Variants in EMC2 observed in about 807,000 individuals in gnomAD.
EMC2 encodes the protein TPR repeat protein 35.
A neutral mutation model predicts 51.6 loss-of-function variants in EMC2; 37 were observed. That is an observed-to-expected ratio of 0.72 (90% CI 0.55 to 0.94). The LOEUF (loss-of-function observed/expected upper bound fraction) is 0.94. Among genes scored for constraint, EMC2 ranks in the 40% least tolerant of loss-of-function variants. EMC2 has a pLI of 0.00. For synonymous variants in EMC2, 131 were observed against 112.4 expected (o/e 1.17, Z -1.04); for missense variants, 359 against 350.9 (o/e 1.02, Z -0.18).
chr8:108,459,893 A>T (rs13275440), intron 5 of EMC2, among the ~76,000 whole-genome samples: 104,037 of 152,096 alleles, frequency 0.68, 36,157 homozygotes, highest in African/African-American at 0.81. Context: ...TCTATAAGCT[A>T]ATGTAGATAC....
At chr8:108,463,803 C>T (rs1056742428) in intron 5 of EMC2, among the ~76,000 whole-genome samples, 1 of 151,932 alleles carries the variant, frequency 6.6e-6, no homozygotes, top group Non-Finnish European at 1.5e-5. Flanking sequence ...ACTGAGACTG[C>T]CTAGAAAAGT....
In EMC2 at chr8:108,450,382, G is replaced by C. The variant is rs142846038; in HGVS notation, c.155-46G>C. ...AATTCATTAATTTCCATTTGGGTTT[G>C]TTTTAATATTAAATTCAGTTTTTTT... On this transcript the variant is annotated intron_variant, in intron 2 of 10. Transcript: ENST00000220853. 9 of 1,105,020 alleles carry C rather than the reference G, an allele frequency of 8.1e-6. No homozygotes were observed. The East Asian group carries it at 2.1e-4, about 26-fold the overall frequency. 68.5% of individuals were successfully genotyped at this position (1,105,020 alleles called of 1,614,324 possible).
chr8:108,486,065 AG>A (rs1360329886), intron 10 of EMC2, among the ~76,000 whole-genome samples: 1 of 151,930 alleles, frequency 6.6e-6, no homozygotes, highest in Non-Finnish European at 1.5e-5. Flanking sequence ...TAAAATGTTT[AG>A]TGAAATAACT....
At chr8:108,445,907 T>C (rs943691563) in intron 1 of EMC2, among the ~76,000 whole-genome samples, 1 of 152,228 alleles carries the variant, frequency 6.6e-6, no homozygotes, top group African/African-American at 2.4e-5. Flanking sequence ...ATTTCTTTAG[T>C]ATCTTAGATA....
intron 5 of EMC2, among the ~76,000 whole-genome samples, chr8:108,467,410 G>A (rs1158175040): frequency 2.0e-5 from 3 of 151,298 alleles, no homozygotes; most frequent in African/African-American, 4.9e-5. Context: ...GTGCAGTGGC[G>A]CAGTCTCAGC....
chr8:108,470,021 A>C, intron 6 of EMC2, 41 bp from the exon 7 acceptor site: 3 of 1,578,176 alleles, frequency 1.9e-6, no homozygotes, highest in Non-Finnish European at 2.6e-6. Context: ...TCATTTACAG[A>C]ATATCTACAC....
intron 7 of EMC2, among the ~76,000 whole-genome samples, chr8:108,473,459 G>T (rs999267759): frequency 6.6e-6 from 1 of 151,996 alleles, no homozygotes; most frequent in Admixed American, 6.6e-5. Context: ...GAAAACTTCT[G>T]AAATCTGAAA....
intron 5 of EMC2, among the ~76,000 whole-genome samples, chr8:108,457,968 A>G (rs1413692686): frequency 6.6e-6 from 1 of 152,208 alleles, no homozygotes; most frequent in Non-Finnish European, 1.5e-5. Flanking sequence ...GTTACTTCCT[A>G]GATACAGTGG....
chr8:108,457,331 CGTGTGTGTGTGTGTGTGTGTGTGTGTGT>C (rs56319322), intron 5 of EMC2, among the ~76,000 whole-genome samples: 2 of 128,086 alleles, frequency 1.6e-5, no homozygotes, highest in South Asian at 2.5e-4. Context: ...CGTGTGTGTG[CGTGTGTGTGTGTGTGTGTGTGTGTGTGT>C]GTGTGTGTGT....
At chr8:108,468,709 A>G (rs1178924373) in intron 5 of EMC2, among the ~76,000 whole-genome samples, 2 of 152,216 alleles carry the variant, frequency 1.3e-5, no homozygotes, top group Non-Finnish European at 2.9e-5. Flanking sequence ...TATATCAACA[A>G]TAAGAAATTT....
chr8:108,452,096 A>T (rs1819038634), intron 3 of EMC2, among the ~76,000 whole-genome samples: 1 of 152,222 alleles, frequency 6.6e-6, no homozygotes, highest in Admixed American at 6.5e-5. Context: ...CATTTCTAGG[A>T]CTTCCAAAAC....
At chr8:108,449,425 A>G (rs945568593) in intron 1 of EMC2, among the ~76,000 whole-genome samples, 6 of 152,116 alleles carry the variant, frequency 3.9e-5, no homozygotes, top group African/African-American at 1.4e-4. Context: ...GGTGTGTGCC[A>G]CCATAGTTGG....
intron 10 of EMC2, among the ~76,000 whole-genome samples, chr8:108,479,812 G>A (rs893371206): frequency 4.6e-5 from 7 of 152,002 alleles, no homozygotes; most frequent in Admixed American, 3.9e-4. Context: ...GCCCAGGCTG[G>A]CCATGAACTC....
At chr8:108,456,620 A>AT (rs1036366772) in intron 5 of EMC2, among the ~76,000 whole-genome samples, 4 of 152,088 alleles carry the variant, frequency 2.6e-5, no homozygotes, top group Non-Finnish European at 5.9e-5. Context: ...ATTTAGTGTA[A>AT]TTTTGAACAA....
intron 5 of EMC2, among the ~76,000 whole-genome samples, chr8:108,457,119 A>G (rs1177334393): frequency 2.0e-5 from 3 of 152,190 alleles, no homozygotes; most frequent in African/African-American, 7.2e-5. Context: ...TATCTCAGGC[A>G]CTGATCATAA....
At chr8:108,475,989 A>G (rs369074644) in intron 8 of EMC2, 26 bp downstream of exon 8, 12 of 1,320,070 alleles carry the variant, frequency 9.1e-6, no homozygotes, top group Non-Finnish European at 1.2e-5. Flanking sequence ...ACAATGGCAT[A>G]TAATTTTATT....
chr8:108,455,796 A>AT, intron 4 of EMC2, 77 bp from the exon 5 acceptor site: 2 of 551,184 alleles, frequency 3.6e-6, no homozygotes, highest in South Asian at 2.4e-5. Flanking sequence ...AGCCAGTTTA[A>AT]TTTTTTTCTG....
At chr8:108,461,931 C>T (rs1314950592) in intron 5 of EMC2, among the ~76,000 whole-genome samples, 1 of 152,208 alleles carries the variant, frequency 6.6e-6, no homozygotes, top group South Asian at 2.1e-4. Flanking sequence ...GCCTCAGCCT[C>T]CCGGGTAGCT....
At chr8:108,455,974 A>C in intron 5 of EMC2, 44 bp downstream of exon 5, 6 of 862,664 alleles carry the variant, frequency 7.0e-6, no homozygotes, top group Non-Finnish European at 1.0e-5. Context: ...AGTTTAATTT[A>C]AAAGATAAAA....
Sources: gnomAD v4.1 joint callset for allele counts (sites outside exome capture counted in the v4.1 genomes callset) on GRCh38, gnomAD v4.1.1 for gene constraint, MANE v1.5 for transcripts, NCBI Gene and HGNC (gene_info 2026-07-23, HGNC 2026-07-21) for gene names.